The following PCDHA7 variants were observed in gnomAD, a reference collection of about 807,000 sequenced individuals.
PCDHA7 encodes protocadherin alpha-7.
PCDHA7 carries 37 observed loss-of-function variants against 57.2 expected under a neutral mutation model. That is an observed-to-expected ratio of 0.65 (90% CI 0.50 to 0.85). The LOEUF (loss-of-function observed/expected upper bound fraction) is 0.85, where lower values mean the gene tolerates loss of function less well. Ranked by LOEUF, PCDHA7 falls within the 40% of genes least tolerant of loss-of-function variation. PCDHA7 has a pLI of 0.00. For synonymous variants in PCDHA7, 553 were observed against 558.8 expected, an observed-to-expected ratio of 0.99 and a Z score of 0.15; for missense variants, 1,188 against 1,241.8, an observed-to-expected ratio of 0.96 and a Z score of 0.65.
At chr5:140,929,258 T>C (rs1288767035) in intron 1 of PCDHA7, 2 of 1,612,832 alleles carry the variant, frequency 1.2e-6, no homozygotes, top group Non-Finnish European at 1.7e-6. Flanking sequence ...GGGGTAGGAC[T>C]GAATTTGCCA....
chr5:140,867,871 A>G (rs1450375674), intron 1 of PCDHA7: 1 of 152,152 alleles, frequency 6.6e-6, no homozygotes, highest in Non-Finnish European at 1.5e-5. Flanking sequence ...TTAATTTTCT[A>G]TGTTTTAAGC....
chr5:140,925,782 A>T (rs567008166), intron 1 of PCDHA7, among the ~76,000 whole-genome samples: 10 of 152,174 alleles, frequency 6.6e-5, no homozygotes, highest in Admixed American at 4.6e-4. Context: ...AACTCTAATG[A>T]GTATCTCAGT....
chr5:140,856,947 A>C (rs1486886568), intron 1 of PCDHA7: 2 of 1,592,142 alleles, frequency 1.3e-6, no homozygotes, highest in Non-Finnish European at 1.7e-6. Context: ...AGGACGGGAG[A>C]AATAAAAGTA....
In PCDHA7 at chr5:140,927,058, C is replaced by G. The variant is rs376173105; in HGVS notation, c.2356-51891C>G. ...GGCCGCTATGTCCTCGCGGAACTTT[C>G]GCTTCCTTTCCAGCCACCGCGAGCT... On this transcript the variant is annotated intron_variant, in intron 1 of 3. Coordinates refer to ENST00000525929, the MANE Select transcript of PCDHA7 (RefSeq NM_018910.3). 17 of 1,611,136 alleles carry G rather than the reference C, an allele frequency of 1.1e-5. No homozygotes were observed. The South Asian group carries it at 1.2e-4, about 11-fold the overall frequency.
At chr5:140,979,937 A>G (rs563499415) in intron 2 of PCDHA7, among the ~76,000 whole-genome samples, 1 of 152,388 alleles carries the variant, frequency 6.6e-6, no homozygotes, top group African/African-American at 2.4e-5. Context: ...GTATGTGTAG[A>G]GTTAATGTGA....
intron 1 of PCDHA7, among the ~76,000 whole-genome samples, chr5:140,913,322 T>G (rs1348973730): frequency 6.6e-6 from 1 of 152,190 alleles, no homozygotes; most frequent in Non-Finnish European, 1.5e-5. Context: ...GTAAGTTGTA[T>G]GTGTCTAGGA....
intron 3 of PCDHA7, among the ~76,000 whole-genome samples, chr5:140,999,218 C>T (rs1410560466): frequency 6.6e-6 from 1 of 152,180 alleles, no homozygotes; most frequent in Non-Finnish European, 1.5e-5. Context: ...GGAAGTACTA[C>T]ATTTGAGAAT....
In PCDHA7 at chr5:140,835,603, T is replaced by G. The variant is rs2150239266; in HGVS notation, c.1220T>G (p.Leu407Trp). 6.2e-6 allele frequency: 10 copies of G among 1,613,804 alleles called. No individual in the cohort carries two copies. The highest frequency in any genetic ancestry group is 1.7e-6 in the Non-Finnish European group (2 of 1,179,876). The change falls in exon 1 of 4, where the codon TTG (leucine) becomes TGG (tryptophan). Residue 407 changes from leucine to tryptophan, a missense_variant. Leu to Trp is a moderately conservative substitution (Grantham distance 61). Around this residue, in one of 3 missense-constraint regions of PCDHA7, gnomAD observed 892 missense variants for 788.5 expected, o/e 1.13. Coordinates refer to ENST00000525929, the MANE Select transcript of PCDHA7 (RefSeq NM_018910.3). ...TCCACCTTCAAGAATTACTATTCATTGGTGCTGGACAGCGCTCTGGACCGC... is the reference window on the plus strand; with the variant it reads ...TCCACCTTCAAGAATTACTATTCATGGGTGCTGGACAGCGCTCTGGACCGC... ...LVSTFKNYYS[L>W]VLDSALDRES...
At chr5:140,855,462 A>C (rs2043478847) in intron 1 of PCDHA7, among the ~76,000 whole-genome samples, 1 of 149,974 alleles carries the variant, frequency 6.7e-6, no homozygotes, top group Admixed American at 6.7e-5. Context: ...AACACCTCAC[A>C]GATAGTTGAT....
chr5:140,926,723 C>G (rs1224901751), intron 1 of PCDHA7: 1 of 1,034,598 alleles, frequency 9.7e-7, no homozygotes, highest in Non-Finnish European at 1.3e-6. Flanking sequence ...CCGGCAATGC[C>G]GGCGTTCGGG....
intron 1 of PCDHA7, among the ~76,000 whole-genome samples, chr5:140,846,373 C>CTTTTTTTTTTTTTTTTTTTTTTTTTTTT (rs374699051): frequency 3.6e-5 from 2 of 55,152 alleles, no homozygotes; most frequent in Non-Finnish European, 8.2e-5. Flanking sequence ...TTCTTTCTTT[C>CTTTTTTTTTTTTTTTTTTTTTTTTTTTT]TTTTTTTTTT....
intron 1 of PCDHA7, chr5:140,870,796 C>A (rs1581985922): frequency 6.2e-7 from 1 of 1,613,576 alleles, no homozygotes; most frequent in South Asian, 1.1e-5. Context: ...GCCGGCACTG[C>A]TGGCGACTCA....
chr5:140,966,732 G>T (rs2153748727), intron 1 of PCDHA7: 1 of 1,415,600 alleles, frequency 7.1e-7, no homozygotes, highest in African/African-American at 1.5e-5. Context: ...GCCGCCTCCG[G>T]CCCTGCCCGG....
At chr5:140,863,008 T>A (rs782045594) in intron 1 of PCDHA7, 1 of 551,826 alleles carries the variant, frequency 1.8e-6, no homozygotes, top group Non-Finnish European at 3.6e-6. Context: ...ACTCCAGCTA[T>A]GACGCCTGGT....
chr5:140,854,665 T>C (rs2043184095), intron 1 of PCDHA7: 1 of 150,092 alleles, frequency 6.7e-6, no homozygotes, highest in Non-Finnish European at 1.5e-5. Context: ...AATTAACCCT[T>C]GCATAAGACC....
chr5:140,969,921 G>A (rs1417032241), intron 1 of PCDHA7, among the ~76,000 whole-genome samples: 2 of 152,198 alleles, frequency 1.3e-5, no homozygotes, highest in African/African-American at 2.4e-5. Flanking sequence ...TAAAGCTGTA[G>A]TATTTAGACA....
At chr5:141,005,967 A>ACAATTC (rs1554260442) in intron 3 of PCDHA7, among the ~76,000 whole-genome samples, 1 of 152,062 alleles carries the variant, frequency 6.6e-6, no homozygotes, top group Non-Finnish European at 1.5e-5. Flanking sequence ...CAATAAAAAA[A>ACAATTC]CAATTCCAAA....
intron 1 of PCDHA7, among the ~76,000 whole-genome samples, chr5:140,946,325 A>G (rs2093929113): frequency 6.6e-6 from 1 of 151,932 alleles, no homozygotes; most frequent in Non-Finnish European, 1.5e-5. Context: ...TGAAAGAGGA[A>G]AGATAACAAG....
At chr5:140,948,942 TA>T (rs34363674) in intron 1 of PCDHA7, among the ~76,000 whole-genome samples, 1 of 151,394 alleles carries the variant, frequency 6.6e-6, no homozygotes, top group Admixed American at 6.6e-5. Context: ...TCTTCTAATA[TA>T]AAAAAATTAA....
Sources: allele counts gnomAD v4.1 joint callset (sites outside exome capture counted in the v4.1 genomes callset), GRCh38; gene constraint gnomAD v4.1.1; regional missense constraint gnomAD v4.1.1; transcripts MANE v1.5; gene names NCBI Gene and HGNC (gene_info 2026-07-23, HGNC 2026-07-21).